FGF1: variants seen among roughly 807,000 people sequenced by gnomAD.
The protein encoded by FGF1 is fibroblast growth factor 1, also known as beta-endothelial cell growth factor.
In FGF1, 9 loss-of-function variants were observed where a neutral mutation model predicts 13.4. The observed-to-expected ratio is 0.67, with a 90% CI of 0.40 to 1.17. The LOEUF (loss-of-function observed/expected upper bound fraction) is 1.17. FGF1 is among the 50% of genes most tolerant of loss of function. The pLI, the probability that FGF1 is intolerant of heterozygous loss-of-function variation, is 0.01. For synonymous variants in FGF1, 93 were observed against 79.0 expected (o/e 1.18, Z -0.94); for missense variants, 156 against 192.7 (o/e 0.81, Z 1.13).
intron 1 of FGF1, among the ~76,000 whole-genome samples, chr5:142,615,531 T>C (rs1760059783): frequency 6.6e-6 from 1 of 152,212 alleles, no homozygotes; most frequent in African/African-American, 2.4e-5. Context: ...CTGGGAGCTG[T>C]ACTTTGTAAG....
At chr5:142,606,495 C>T (rs1194426864) in intron 2 of FGF1, among the ~76,000 whole-genome samples, 3 of 151,046 alleles carry the variant, frequency 2.0e-5, no homozygotes, top group African/African-American at 4.9e-5. Flanking sequence ...TGTTGGTGGG[C>T]GCCTGTAATC....
chr5:142,677,439 A>G (rs74750069), intron 1 of FGF1, among the ~76,000 whole-genome samples: 2,357 of 152,324 alleles, frequency 0.015, 70 homozygotes, highest in African/African-American at 0.052. Context: ...CATGAATAAT[A>G]CCACTAGGGT....
intron 1 of FGF1, among the ~76,000 whole-genome samples, chr5:142,679,571 C>T (rs754017617): frequency 2.0e-5 from 3 of 152,236 alleles, no homozygotes; most frequent in Non-Finnish European, 4.4e-5. Flanking sequence ...CAGGAGGCAT[C>T]CATGCTGAGC....
At position 142,659,018 on chromosome 5, in the gene FGF1, C is replaced by T. The variant is rs115031225; in HGVS notation, c.-35+26939G>A. ...TGTCTTTGGAGAACAATTACATAAC[C>T]AACAATGCTGAAGCCTTGCATTTGC... On this transcript the variant is annotated intron_variant, in intron 1 of 3. Transcript: ENST00000337706. 8.0e-3 allele frequency among the ~76,000 whole-genome samples: 1,223 copies of T among 152,236 alleles called. 6 individuals are homozygous for T. Among genetic ancestry groups the T allele is most frequent in the South Asian group, 0.023 (109 of 4,816 alleles).
At position 142,633,981 on chromosome 5, in the gene FGF1, G is replaced by A. The variant is rs1183230580; in HGVS notation, c.-34-19820C>T. Among the ~76,000 whole-genome samples the A allele has an allele frequency of 5.3e-5, 8 of 150,642 alleles. No individual in the cohort carries two copies. The South Asian group carries it at 8.4e-4, about 16-fold the overall frequency. ...GGGCGGATCACGAGGTCAGGAGATC[G>A]AGATCATCCTGGCTAACACGGTGAA... On this transcript the variant is annotated intron_variant, in intron 1 of 3. Transcript: ENST00000337706.
At chr5:142,688,801 T>C (rs11167790), upstream of FGF1, among the ~76,000 whole-genome samples, 29,142 of 152,226 alleles carry the variant, frequency 0.19, 3,271 homozygotes, top group Non-Finnish European at 0.25. Context: ...GTGAGATTTT[T>C]CCTTTCGCAT....
chr5:142,691,213 G>T (rs1752160371), intron 2 of FGF1, among the ~76,000 whole-genome samples: 1 of 152,066 alleles, frequency 6.6e-6, no homozygotes, highest in Admixed American at 6.6e-5. Context: ...CTGAGGTTAG[G>T]AGTTCGAGAC....
intron 1 of FGF1, among the ~76,000 whole-genome samples, chr5:142,653,419 A>G (rs1767609062): frequency 6.6e-6 from 1 of 152,190 alleles, no homozygotes; most frequent in African/African-American, 2.4e-5. Context: ...GCTGTGGTCC[A>G]CCAGATGCTA....
chr5:142,633,879 C>T (rs917042033), intron 1 of FGF1, among the ~76,000 whole-genome samples: 2 of 152,124 alleles, frequency 1.3e-5, no homozygotes, highest in Non-Finnish European at 2.9e-5. Context: ...GCACTAATGA[C>T]TCTGTTGAAT....
At chr5:142,652,317 TCTC>T (rs1767404820) in intron 1 of FGF1, among the ~76,000 whole-genome samples, 2 of 152,328 alleles carry the variant, frequency 1.3e-5, no homozygotes, top group South Asian at 4.1e-4. Flanking sequence ...TCGTAGTTCT[TCTC>T]TAATGGCTGA....
chr5:142,675,365 C>G (rs1030057179), intron 1 of FGF1, among the ~76,000 whole-genome samples: 2 of 152,130 alleles, frequency 1.3e-5, no homozygotes, highest in East Asian at 3.9e-4. Context: ...TGCCAGCATC[C>G]CCTCCTCCAG....
exon 1 of FGF1, chr5:142,697,983 T>A (rs951439449): frequency 1.3e-5 from 2 of 152,278 alleles, no homozygotes; most frequent in African/African-American, 2.4e-5. Flanking sequence ...CATGAGGCAC[T>A]TGGGCCCCTA....
At chr5:142,646,117 G>A in intron 1 of FGF1, among the ~76,000 whole-genome samples, 1 of 151,304 alleles carries the variant, frequency 6.6e-6, no homozygotes, top group East Asian at 1.9e-4. Flanking sequence ...CAGTGTGTTA[G>A]CCAGGATGGT....
intron 1 of FGF1, among the ~76,000 whole-genome samples, chr5:142,633,970 G>A (rs540222678): frequency 3.8e-4 from 58 of 151,480 alleles, no homozygotes; most frequent in African/African-American, 1.2e-3. Flanking sequence ...GGATCACGAG[G>A]TCAGGAGATC....
intron 1 of FGF1, among the ~76,000 whole-genome samples, chr5:142,670,102 A>C (rs982843269): frequency 1.5e-4 from 23 of 152,162 alleles, no homozygotes; most frequent in African/African-American, 5.6e-4. Flanking sequence ...GCACACTGGC[A>C]CTGAGGTCAT....
intron 1 of FGF1, among the ~76,000 whole-genome samples, chr5:142,654,618 A>AC (rs1256989859): frequency 8.5e-5 from 13 of 152,190 alleles, no homozygotes; most frequent in African/African-American, 3.1e-4. Flanking sequence ...GCGATTTGAT[A>AC]CCTTCCAGCC....
chr5:142,604,436 G>T (rs1331087269), intron 2 of FGF1, among the ~76,000 whole-genome samples: 1 of 152,204 alleles, frequency 6.6e-6, no homozygotes, highest in Non-Finnish European at 1.5e-5. Context: ...CACCATGCTA[G>T]TTTCTATCTT....
chr5:142,611,330 T>G (rs1278244334), intron 2 of FGF1, among the ~76,000 whole-genome samples: 1 of 152,050 alleles, frequency 6.6e-6, no homozygotes, highest in Non-Finnish European at 1.5e-5. Context: ...TAAATAGAAG[T>G]TTCGCCCTTG....
intron 2 of FGF1, among the ~76,000 whole-genome samples, chr5:142,602,650 C>G (rs970743061): frequency 6.6e-6 from 1 of 151,818 alleles, no homozygotes. Flanking sequence ...AGCTTGTGTG[C>G]GTATATTGCA....
Sources: allele counts gnomAD v4.1 joint callset (sites outside exome capture counted in the v4.1 genomes callset), GRCh38; gene constraint gnomAD v4.1.1; transcripts MANE v1.5; gene names NCBI Gene and HGNC (gene_info 2026-07-23, HGNC 2026-07-21).